AK9: variants seen among roughly 807,000 people sequenced by gnomAD.
AK9 encodes adenylate kinase 9, also known as adenylate kinase domain containing 1.
In AK9, 191 loss-of-function variants were observed where a neutral mutation model predicts 239.6. The ratio of observed to expected loss-of-function variants is 0.80; its 90% CI spans 0.71 to 0.90. AK9 has a LOEUF of 0.90. Among genes scored for constraint, AK9 ranks in the 40% least tolerant of loss-of-function variants. AK9 has a pLI of 0.00. For missense variants in AK9, 1,995 were observed against 2,214.7 expected (o/e 0.90, Z 1.99); for synonymous variants, 689 against 721.0 (o/e 0.96, Z 0.71).
At chr6:109,642,468 TG>T (rs755080414) in intron 9 of AK9, among the ~76,000 whole-genome samples, 5 of 152,286 alleles carry the variant, frequency 3.3e-5, no homozygotes, top group Non-Finnish European at 7.4e-5. Context: ...ATTCCACTAA[TG>T]TCAAGCTTCT....
At position 109,499,167 on chromosome 6, in the gene AK9, C is replaced by A; in HGVS notation, c.4923G>T (p.Gln1641His). The change falls in exon 36 of 41, where the codon CAG becomes CAT. Residue 1641 changes from glutamine (Q) to histidine (H), a missense_variant. Gln to His is a conservative substitution (Grantham distance 24, BLOSUM62 0). This residue lies in a region of AK9 where 391 missense variants were observed against 456.0 expected (regional missense o/e 0.86). Coordinates refer to ENST00000424296, the MANE Select transcript of AK9 (RefSeq NM_001145128.3). ...ATTCTGCCAGGCTGACAGGGCAGAA[C>A]TGTTCAAATTCTCCCAGGCGAGAAA... The part of the protein sequence containing the change: ...ELLSRLGEFE[Q>H]FCPVSLAESQ... 4 of 1,601,732 alleles carry A rather than the reference C, an allele frequency of 2.5e-6. No homozygotes were observed. The highest frequency in any genetic ancestry group is 3.4e-6 in the Non-Finnish European group (4 of 1,173,672).
chr6:109,637,825 C>T (rs1425550153), intron 10 of AK9, among the ~76,000 whole-genome samples: 1 of 152,172 alleles, frequency 6.6e-6, no homozygotes, highest in Non-Finnish European at 1.5e-5. Context: ...ATTGACCAGG[C>T]TCCTTTGGTG....
chr6:109,565,125 C>T (rs1583027993), intron 21 of AK9, among the ~76,000 whole-genome samples: 1 of 152,116 alleles, frequency 6.6e-6, no homozygotes. Flanking sequence ...ATTAATCAAA[C>T]TTCTTTTAAT....
At chr6:109,661,752 T>C (rs539460739) in intron 6 of AK9, among the ~76,000 whole-genome samples, 1 of 152,320 alleles carries the variant, frequency 6.6e-6, no homozygotes, top group Non-Finnish European at 1.5e-5. Flanking sequence ...TCTAGTTTAT[T>C]TGAGCTGTCA....
chr6:109,615,565 G>A (rs1794082791), intron 13 of AK9, among the ~76,000 whole-genome samples: 1 of 151,998 alleles, frequency 6.6e-6, no homozygotes, highest in African/African-American at 2.4e-5. Context: ...CTTCACTCTA[G>A]ATTGTCTGGA....
chr6:109,538,021 C>T lies in AK9; in HGVS notation c.3350+4026G>A, dbSNP rs1782276272. On this transcript the variant is annotated intron_variant, in intron 27 of 40. Coordinates refer to ENST00000424296, the MANE Select transcript of AK9 (RefSeq NM_001145128.3). ...ACATTTGCTGAGGAGTTCTTTACTTCCAACTATGTGGTCAATTTTGGAATA... is the reference window on the plus strand; with the variant it reads ...ACATTTGCTGAGGAGTTCTTTACTTTCAACTATGTGGTCAATTTTGGAATA... Among the ~76,000 whole-genome samples the T allele has an allele frequency of 2.0e-5, 3 of 152,266 alleles. No individual in the cohort carries two copies. The South Asian group carries it at 6.2e-4, about 32-fold the overall frequency.
chr6:109,633,334 CA>C lies in AK9; in HGVS notation c.934-12del, dbSNP rs1435623728. 81 of 1,584,020 alleles carry C rather than the reference CA, an allele frequency of 5.1e-5. No homozygotes were observed. The highest frequency in any genetic ancestry group is 6.6e-5 in the Non-Finnish European group (78 of 1,174,534). Reference sequence around the variant, plus strand: ...ACGAAATAGCTCATCCTGTGAATTGCAAATACTACATTAAAAATATGGGCAT... The same window carrying C: ...ACGAAATAGCTCATCCTGTGAATTGCAATACTACATTAAAAATATGGGCAT... On this transcript the variant is annotated splice_polypyrimidine_tract_variant and intron_variant, in intron 10 of 40. Coordinates refer to ENST00000424296, the MANE Select transcript of AK9 (RefSeq NM_001145128.3).
rs113337429 is a variant in AK9 at position 109,561,530 on chromosome 6, T to C, written c.2751+2067A>G. 6.1e-3 allele frequency among the ~76,000 whole-genome samples: 926 copies of C among 151,728 alleles called. 13 individuals carry two copies. The highest frequency in any genetic ancestry group is 0.021 in the African/African-American group (881 of 41,342). ...GGTTTCGCCATGTTGCCCAGGCTGT[T>C]CTTGAACTCCTGAGCTGAAGTGATG... On this transcript the variant is annotated intron_variant, in intron 24 of 40. Coordinates refer to ENST00000424296, the MANE Select transcript of AK9 (RefSeq NM_001145128.3).
Position 109,585,115 on chromosome 6 carries a change from G to T in AK9, c.2114+8C>A. On this transcript the variant is annotated splice_region_variant and intron_variant, in intron 19 of 40. Coordinates refer to ENST00000424296, the MANE Select transcript of AK9 (RefSeq NM_001145128.3). ...TTAATCTGTTTTATCATTCTAGGCA[G>T]ATTTTACCTTGCTTCTTCTTCTTCT... 1 of 1,148,680 alleles carries T rather than the reference G, an allele frequency of 8.7e-7. No homozygotes were observed. Among genetic ancestry groups the T allele is most frequent in the South Asian group, 2.2e-5 (1 of 45,284 alleles). The allele number at this position is 1,148,680 out of a possible 1,614,324, so 71.2% of individuals were successfully genotyped here.
intron 24 of AK9, among the ~76,000 whole-genome samples, chr6:109,560,382 T>C (rs1175543680): frequency 6.6e-6 from 1 of 152,210 alleles, no homozygotes; most frequent in African/African-American, 2.4e-5. Context: ...TTCAGCCTTT[T>C]ACCCTTAAGT....
chr6:109,667,034 T>C (rs922122201), intron 5 of AK9, among the ~76,000 whole-genome samples: 6 of 152,192 alleles, frequency 3.9e-5, no homozygotes, highest in Non-Finnish European at 5.9e-5. Context: ...TCTGTTTCTC[T>C]TGGGTAAGGA....
At chr6:109,576,184 A>AT (rs1210540589) in intron 20 of AK9, among the ~76,000 whole-genome samples, 2 of 151,032 alleles carry the variant, frequency 1.3e-5, no homozygotes, top group Non-Finnish European at 3.0e-5. Flanking sequence ...GAATTTTAGG[A>AT]TTTTTTTTCT....
chr6:109,598,925 G>GT (rs538044110), intron 17 of AK9, among the ~76,000 whole-genome samples: 3 of 151,986 alleles, frequency 2.0e-5, no homozygotes, highest in Admixed American at 1.3e-4. Flanking sequence ...GGGGTTGTTT[G>GT]TTTTTTTCTT....
intron 35 of AK9, among the ~76,000 whole-genome samples, chr6:109,500,724 C>T (rs56812929): frequency 0.02 from 3,106 of 152,186 alleles, 95 homozygotes; most frequent in African/African-American, 0.071. Context: ...ATTTTGGAAA[C>T]GCATCACACT....
At chr6:109,644,529 TTC>T (rs1204713585) in intron 9 of AK9, 83 bp downstream of exon 9, 1 of 1,171,770 alleles carries the variant, frequency 8.5e-7, no homozygotes, top group Non-Finnish European at 1.2e-6. Context: ...ATAAATATGC[TTC>T]TGTTTATTAA....
At chr6:109,560,255 G>A (rs1415757392) in intron 24 of AK9, among the ~76,000 whole-genome samples, 1 of 152,146 alleles carries the variant, frequency 6.6e-6, no homozygotes, top group Non-Finnish European at 1.5e-5. Flanking sequence ...TTTTCAATCT[G>A]AATGCCTTTT....
intron 28 of AK9, among the ~76,000 whole-genome samples, chr6:109,531,330 C>T (rs555527006): frequency 3.3e-5 from 5 of 151,954 alleles, no homozygotes; most frequent in Non-Finnish European, 7.4e-5. Context: ...CAAGAAAGCT[C>T]TGAACTGAGA....
At chr6:109,633,666 A>G (rs2128275319) in intron 10 of AK9, among the ~76,000 whole-genome samples, 1 of 152,324 alleles carries the variant, frequency 6.6e-6, no homozygotes, top group East Asian at 1.9e-4. Flanking sequence ...TCCTTAGAAA[A>G]CAGATTCTGA....
intron 17 of AK9, among the ~76,000 whole-genome samples, chr6:109,590,704 G>A (rs1248646592): frequency 6.6e-6 from 1 of 152,084 alleles, no homozygotes; most frequent in African/African-American, 2.4e-5. Flanking sequence ...TACGTCAAAT[G>A]CTTTTGGTAT....
Sources: gnomAD v4.1 joint callset for allele counts (sites outside exome capture counted in the v4.1 genomes callset) on GRCh38, gnomAD v4.1.1 for gene constraint, gnomAD v4.1.1 regional missense constraint, MANE v1.5 for transcripts, NCBI Gene and HGNC (gene_info 2026-07-23, HGNC 2026-07-21) for gene names.